Variants in NPLOC4 observed in about 807,000 individuals in gnomAD.
NPLOC4 encodes nuclear protein localization protein 4 homolog.
Under a neutral mutation model 80.6 loss-of-function variants are expected in NPLOC4, and 18 were observed. The ratio of observed to expected loss-of-function variants is 0.22; its 90% CI spans 0.15 to 0.33. NPLOC4 has a LOEUF of 0.33. Among genes scored for constraint, NPLOC4 ranks in the 10% least tolerant of loss-of-function variants. The pLI is 1.00. For missense variants in NPLOC4, 540 were observed against 786.1 expected (o/e 0.69, Z 3.74); for synonymous variants, 313 against 301.5 (o/e 1.04, Z -0.39).
At chr17:81,607,471 C>T (rs2035237724) in intron 6 of NPLOC4, among the ~76,000 whole-genome samples, 1 of 151,480 alleles carries the variant, frequency 6.6e-6, no homozygotes, top group South Asian at 2.1e-4. Flanking sequence ...GATATATTTA[C>T]AGTGTACGAA....
At chr17:81,569,210 C>T (rs570549219) in intron 13 of NPLOC4, 99 bp from the exon 14 acceptor site, 2 of 721,826 alleles carry the variant, frequency 2.8e-6, no homozygotes, top group South Asian at 3.2e-5. Flanking sequence ...AAATTAACGA[C>T]TCCTAGCAAT....
In NPLOC4 at chr17:81,636,901, G is replaced by A. The variant is rs978248794; in HGVS notation, c.15+15C>T. The A allele has an allele frequency of 7.8e-6, 11 of 1,409,366 alleles. No homozygotes were observed. In the Admixed American group the frequency reaches 1.2e-4, roughly 16 times the overall value. The allele number at this position is 1,409,366 out of a possible 1,614,324, so 87.3% of individuals were successfully genotyped here. A position where few individuals can be genotyped will look rare whatever the true frequency, so the allele number is the denominator to read the frequency against. ...CATCCCGGCGTCCCCGCTCCCGCCC[G>A]GCCGCCGCACTCACGATGCTCTCGG... On this transcript the variant is annotated intron_variant, in intron 1 of 16. Transcript: ENST00000331134.
rs984857100 is a variant in NPLOC4 at position 81,572,543 on chromosome 17, G to C, written c.1282-455C>G. On this transcript the variant is annotated intron_variant, in intron 12 of 16. Transcript: ENST00000331134. The surrounding 1 kb of genome is among the most constrained non-coding windows in gnomAD (Gnocchi z 4.5). ...ATTGAAGTGTATGGATAGCAGAAAG[G>C]AAAACGTGCATATTTTTGCAGTAAA... is the stretch of plus-strand genomic sequence containing the variant. Among the ~76,000 whole-genome samples the C allele has an allele frequency of 1.3e-5, 2 of 152,198 alleles. No individual in the cohort carries two copies. Among genetic ancestry groups the C allele is most frequent in the Non-Finnish European group, 2.9e-5 (2 of 68,032 alleles).
chr17:81,604,665 G>A lies in NPLOC4; in HGVS notation c.717C>T (p.Asp239=). Residue 239 remains aspartate, a synonymous_variant, in exon 8 of 17, where the codon GAC becomes GAT. Coordinates refer to ENST00000331134, the MANE Select transcript of NPLOC4 (RefSeq NM_017921.4). Reference sequence around the variant, plus strand: ...GCTGGTTCCCTGTCTTTCTCCAGAAGTCAAGAAAGCGGTCAGCGACGGTGT... The same window carrying A: ...GCTGGTTCCCTGTCTTTCTCCAGAAATCAAGAAAGCGGTCAGCGACGGTGT... The part of the protein sequence containing the change: ...ENHTVADRFL[D]FWRKTGNQHF... The A allele has an allele frequency of 1.9e-6, 3 of 1,613,892 alleles. 1 individual carries two copies. In the South Asian group the frequency reaches 3.3e-5, roughly 18 times the overall value.
At chr17:81,579,343 A>C (rs1389145087) in intron 12 of NPLOC4, among the ~76,000 whole-genome samples, 1 of 152,242 alleles carries the variant, frequency 6.6e-6, no homozygotes, top group East Asian at 1.9e-4. Context: ...GTGCCATTGC[A>C]CATCACCCTA....
chr17:81,611,733 G>T (rs145640115), intron 4 of NPLOC4, among the ~76,000 whole-genome samples: 1,882 of 151,968 alleles, frequency 0.012, 17 homozygotes, highest in Non-Finnish European at 0.019. Flanking sequence ...GGCCGAGGCG[G>T]GTGGATCACA....
Position 81,600,727 on chromosome 17 carries a change from T to A in NPLOC4, c.835-300A>T, listed in dbSNP as rs145237530. Among the ~76,000 whole-genome samples, 7 of 152,310 alleles carry A rather than the reference T, an allele frequency of 4.6e-5. No individual in the cohort carries two copies. In the East Asian group the frequency reaches 1.3e-3, roughly 29 times the overall value. On this transcript the variant is annotated intron_variant, in intron 8 of 16. Transcript: ENST00000331134. The stretch of plus-strand genomic sequence containing the variant: ...CTAAGGCAAGGCAAGGTCTACACAC[T>A]CTGCCTGTTTTAAAAGTTCCTTCAT...
intron 12 of NPLOC4, among the ~76,000 whole-genome samples, chr17:81,575,871 C>CT (rs1199275136): frequency 2.6e-5 from 4 of 152,256 alleles, no homozygotes; most frequent in Non-Finnish European, 5.9e-5. Context: ...AGAATCTCTT[C>CT]TGTCGATGGC....
chr17:81,631,304 G>A (rs2035919400), intron 1 of NPLOC4, among the ~76,000 whole-genome samples: 1 of 151,436 alleles, frequency 6.6e-6, no homozygotes, highest in Non-Finnish European at 1.5e-5. Flanking sequence ...GTGCACTTCA[G>A]GAGACCAAGG....
At chr17:81,623,336 C>T (rs1222392292) in intron 2 of NPLOC4, among the ~76,000 whole-genome samples, 2 of 151,644 alleles carry the variant, frequency 1.3e-5, no homozygotes, top group Non-Finnish European at 2.9e-5. Context: ...GGCATGGTGG[C>T]GCACACCTGT....
At chr17:81,587,143 A>AT (rs2034601098) in intron 12 of NPLOC4, among the ~76,000 whole-genome samples, 2 of 152,324 alleles carry the variant, frequency 1.3e-5, no homozygotes, top group African/African-American at 4.8e-5. Context: ...TGATGCAGAA[A>AT]TAAGCAGGTG....
At chr17:81,595,063 ATTTAT>A (rs918582639) in intron 11 of NPLOC4, among the ~76,000 whole-genome samples, 1 of 152,002 alleles carries the variant, frequency 6.6e-6, no homozygotes, top group Non-Finnish European at 1.5e-5. Context: ...CAAATGTTTT[ATTTAT>A]TTATTTTTGT....
intron 12 of NPLOC4, among the ~76,000 whole-genome samples, chr17:81,586,913 TCAC>T (rs749438018): frequency 5.4e-4 from 83 of 152,306 alleles, no homozygotes; most frequent in Admixed American, 9.2e-4. Flanking sequence ...GATGGACAGC[TCAC>T]CACCACCACA....
At chr17:81,630,398 T>G (rs1252239630) in intron 1 of NPLOC4, among the ~76,000 whole-genome samples, 1 of 152,056 alleles carries the variant, frequency 6.6e-6, no homozygotes, top group Non-Finnish European at 1.5e-5. Flanking sequence ...AGTGATCCTC[T>G]GACCTCAGCC....
At chr17:81,560,281 T>C (rs2033809404) in intron 16 of NPLOC4, among the ~76,000 whole-genome samples, 1 of 151,380 alleles carries the variant, frequency 6.6e-6, no homozygotes, top group African/African-American at 2.4e-5. Flanking sequence ...GGCGTGGTGG[T>C]AGACACCTGC....
At chr17:81,628,062 A>C (rs964316654) in intron 2 of NPLOC4, among the ~76,000 whole-genome samples, 1 of 150,314 alleles carries the variant, frequency 6.7e-6, no homozygotes, top group Non-Finnish European at 1.5e-5. Context: ...AATACAAAAA[A>C]TTAGCCAGGC....
At chr17:81,596,351 T>C (rs1222645999) in intron 10 of NPLOC4, 109 bp from the exon 11 acceptor site, 2 of 1,276,178 alleles carry the variant, frequency 1.6e-6, no homozygotes, top group African/African-American at 3.0e-5. Flanking sequence ...CTCACACCTC[T>C]AATTCCAGCA....
intron 12 of NPLOC4, among the ~76,000 whole-genome samples, chr17:81,581,537 C>A (rs931039529): frequency 1.3e-5 from 2 of 152,096 alleles, no homozygotes; most frequent in African/African-American, 4.8e-5. Context: ...GGCATAGGTG[C>A]GAGCAGTGAG....
rs754692366 is a variant in NPLOC4 at position 81,558,918 on chromosome 17, C to T, written c.*341G>A. ...TAAAGAGAAGGCTGGGTGGTGGCAGCATCGGCCCCTCCCTGTGCGCCCCAA... is the reference window on the plus strand; with the variant it reads ...TAAAGAGAAGGCTGGGTGGTGGCAGTATCGGCCCCTCCCTGTGCGCCCCAA... On this transcript the variant is annotated 3_prime_UTR_variant, in exon 17 of 17. Transcript: ENST00000331134. 4.8e-6 allele frequency: 1 copy of T among 210,490 alleles called. No homozygotes were observed. The highest frequency in any genetic ancestry group is 9.4e-6 in the Non-Finnish European group (1 of 106,480). The allele number at this position is 210,490 out of a possible 1,614,324, so 13.0% of individuals were successfully genotyped here. A position where few individuals can be genotyped will look rare whatever the true frequency, so the allele number is the denominator to read the frequency against.
Sources: allele counts gnomAD v4.1 joint callset (sites outside exome capture counted in the v4.1 genomes callset), GRCh38; gene constraint gnomAD v4.1.1; non-coding constraint Gnocchi (gnomAD v3.1); transcripts MANE v1.5; gene names NCBI Gene and HGNC (gene_info 2026-07-23, HGNC 2026-07-21).